The following FRY variants were observed in gnomAD, a reference collection of about 807,000 sequenced individuals.
FRY encodes protein furry homolog.
FRY carries 128 observed loss-of-function variants against 348.4 expected under a neutral mutation model. The ratio of observed to expected loss-of-function variants is 0.37; its 90% CI spans 0.32 to 0.43. FRY has a LOEUF of 0.43. Ranked by LOEUF, FRY falls within the 20% of genes least tolerant of loss-of-function variation. The pLI, the probability that FRY is intolerant of heterozygous loss-of-function variation, is 1.00. For synonymous variants in FRY, 1,370 were observed against 1,374.7 expected (o/e 1.00, Z 0.08); for missense variants, 2,736 against 3,695.2 (o/e 0.74, Z 6.73).
intron 58 of FRY, among the ~76,000 whole-genome samples, chr13:32,284,714 T>C (rs995338551): frequency 6.6e-6 from 1 of 152,234 alleles, no homozygotes. Flanking sequence ...GGAGATTTCA[T>C]CATTAGGCTA....
In FRY at chr13:32,064,726, ATTAAACT is replaced by A. The variant is rs1874146290; in HGVS notation, c.71-14102_71-14096del. 1.3e-5 allele frequency among the ~76,000 whole-genome samples: 2 copies of A among 152,174 alleles called. 1 individual carries two copies. Among genetic ancestry groups the A allele is most frequent in the South Asian group, 4.1e-4 (2 of 4,822 alleles). ...CTAGTGGCATACTGTGACTGAATAG[ATTAAACT>A]TTAAAAATCTTCCAAGCTGTCTTTT... On this transcript the variant is annotated intron_variant, in intron 1 of 60. Transcript: ENST00000542859.
intron 40 of FRY, 36 bp from the exon 41 acceptor site, chr13:32,231,143 A>G: frequency 1.2e-6 from 2 of 1,604,134 alleles, no homozygotes; most frequent in East Asian, 4.5e-5. Context: ...GCAAAATGAC[A>G]GTTATATTTT....
In FRY at chr13:32,102,730, G is replaced by T. The variant is rs1046260739; in HGVS notation, c.324+714G>T. On this transcript the variant is annotated intron_variant, in intron 3 of 60. Transcript: ENST00000542859. ...AGATTCTGGTTCAGTAACCAGGAAGGCCCTAGGCATGTTTAAAAATGATGG... is the reference window on the plus strand; with the variant it reads ...AGATTCTGGTTCAGTAACCAGGAAGTCCCTAGGCATGTTTAAAAATGATGG... Among the ~76,000 whole-genome samples, 4 of 152,140 alleles carry T rather than the reference G, an allele frequency of 2.6e-5. 1 individual carries two copies. The highest frequency in any genetic ancestry group is 9.7e-5 in the African/African-American group (4 of 41,420).
chr13:32,226,044 G>A (rs1885562116), intron 39 of FRY, 70 bp downstream of exon 39: 6 of 1,390,170 alleles, frequency 4.3e-6, no homozygotes, highest in Non-Finnish European at 5.1e-6. Flanking sequence ...GCGGGTGCCA[G>A]TGGAGCCCAA....
In FRY at chr13:32,295,349, C is replaced by T. The variant is rs758385973; in HGVS notation, c.8931C>T (p.Thr2977=). 6.2e-6 allele frequency: 10 copies of T among 1,613,720 alleles called. No individual in the cohort carries two copies. The East Asian group carries it at 2.0e-4, about 32-fold the overall frequency. The part of the protein sequence containing the change: ...GSNQSLTEIC[T]KLMELNMEIR... Reference sequence around the variant, plus strand: ...ACCAGAGCCTGACCGAGATCTGCACCAAGCTGATGGAGCTGAACATGGAGA... The same window carrying T: ...ACCAGAGCCTGACCGAGATCTGCACTAAGCTGATGGAGCTGAACATGGAGA... Residue 2977 remains threonine, a synonymous_variant, in exon 61 of 61, where the codon ACC becomes ACT. Coordinates refer to ENST00000542859, the MANE Select transcript of FRY (RefSeq NM_023037.3).
chr13:32,244,781 T>G (rs1886693470), intron 47 of FRY, among the ~76,000 whole-genome samples: 1 of 152,228 alleles, frequency 6.6e-6, no homozygotes, highest in African/African-American at 2.4e-5. Flanking sequence ...GTGTATATTT[T>G]AATATTTCCA....
intron 1 of FRY, among the ~76,000 whole-genome samples, chr13:32,044,480 A>G (rs1403507319): frequency 6.6e-6 from 1 of 152,220 alleles, no homozygotes; most frequent in African/African-American, 2.4e-5. Flanking sequence ...TGAGGCAAAT[A>G]CCATTTTGTA....
chr13:32,182,565 C>T (rs767919870), intron 23 of FRY, among the ~76,000 whole-genome samples: 11 of 152,174 alleles, frequency 7.2e-5, no homozygotes, highest in Non-Finnish European at 1.3e-4. Flanking sequence ...TGTACAGGGG[C>T]TCAATTTTAT....
rs780130082 is a variant in FRY at position 32,157,318 on chromosome 13, T to G, written c.1697T>G (p.Ile566Ser). ...CAAGTACGAAAAGCTGTAGACAACA[T>G]TTTAAGGCACCTTGATAAAGAAGTA... ...YSQVRKAVDNILRHLDKEVGR... is the reference protein window; with the variant it reads ...YSQVRKAVDNSLRHLDKEVGR... Residue 566 changes from isoleucine to serine, a missense_variant, in exon 16 of 61, where the codon ATT (isoleucine) becomes AGT (serine). Around this residue, in one of 9 missense-constraint regions of FRY, gnomAD observed 191 missense variants for 370.2 expected, o/e 0.52. Transcript: ENST00000542859. 2 of 1,612,866 alleles carry G rather than the reference T, an allele frequency of 1.2e-6. No homozygotes were observed. The highest frequency in any genetic ancestry group is 1.7e-6 in the Non-Finnish European group (2 of 1,178,986).
In FRY at chr13:32,137,132, T is replaced by C. The variant is rs1879771017; in HGVS notation, c.1179+160T>C. ...TATTAATAAGAGTTCTTATTAAATA[T>C]AGTCAATTTTAGAAAGTGACTAGGA... On this transcript the variant is annotated intron_variant, in intron 11 of 60. Coordinates refer to ENST00000542859, the MANE Select transcript of FRY (RefSeq NM_023037.3). Among the ~76,000 whole-genome samples the C allele has an allele frequency of 3.3e-5, 5 of 152,344 alleles. No individual in the cohort carries two copies. In the South Asian group the frequency reaches 1.0e-3, roughly 32 times the overall value.
At chr13:32,244,793 A>G (rs1005493151) in intron 47 of FRY, among the ~76,000 whole-genome samples, 15 of 152,212 alleles carry the variant, frequency 9.9e-5, no homozygotes, top group Admixed American at 6.5e-5. Flanking sequence ...ATATTTCCAT[A>G]ATAAACAGTC....
intron 16 of FRY, among the ~76,000 whole-genome samples, chr13:32,159,575 C>T (rs1881326821): frequency 6.6e-6 from 1 of 151,944 alleles, no homozygotes; most frequent in African/African-American, 2.4e-5. Flanking sequence ...ATATGCTTCC[C>T]ATAAAAGGCC....
At chr13:32,251,746 C>A in intron 49 of FRY, 132 bp from the exon 50 acceptor site, 1 of 695,136 alleles carries the variant, frequency 1.4e-6, no homozygotes, top group Non-Finnish European at 2.7e-6. Context: ...TTTTTTCATA[C>A]TTTTGTGTAT....
At chr13:32,124,168 T>C (rs1878877876) in intron 4 of FRY, 118 bp from the exon 5 acceptor site, 6 of 705,298 alleles carry the variant, frequency 8.5e-6, no homozygotes, top group Non-Finnish European at 1.5e-5. Context: ...AGTGCAATTA[T>C]ATAATTTTAA....
intron 58 of FRY, among the ~76,000 whole-genome samples, chr13:32,281,319 AGTCTAAAGGCCATATTCTTTCCATTT>A (rs1888797058): frequency 6.6e-6 from 1 of 152,234 alleles, no homozygotes; most frequent in Non-Finnish European, 1.5e-5. Context: ...TGAGAGGCAA[AGTCTAAAGGCCATATTCTTTCCATTT>A]GTCCACACTT....
chr13:32,072,436 T>G (rs1296908836), intron 1 of FRY, among the ~76,000 whole-genome samples: 18 of 152,222 alleles, frequency 1.2e-4, no homozygotes, highest in Non-Finnish European at 4.4e-5. Context: ...CTATTGATTT[T>G]TTTTGTCCCA....
intron 58 of FRY, among the ~76,000 whole-genome samples, chr13:32,280,718 G>T (rs1888769512): frequency 6.6e-6 from 1 of 152,208 alleles, no homozygotes; most frequent in Non-Finnish European, 1.5e-5. Context: ...CAGAACTTCA[G>T]ACAGGAAAGC....
intron 55 of FRY, among the ~76,000 whole-genome samples, chr13:32,274,568 G>A (rs1041213579): frequency 2.6e-5 from 4 of 151,718 alleles, no homozygotes; most frequent in African/African-American, 4.8e-5. Flanking sequence ...GCCAGGCGTG[G>A]TGGCAGGCAC....
intron 2 of FRY, among the ~76,000 whole-genome samples, chr13:32,098,412 G>T (rs1566069571): frequency 6.6e-6 from 1 of 151,916 alleles, no homozygotes; most frequent in African/African-American, 2.4e-5. Context: ...TTCATTTCTG[G>T]GGCCTGCCAC....
Sources: allele counts gnomAD v4.1 joint callset (sites outside exome capture counted in the v4.1 genomes callset), GRCh38; gene constraint gnomAD v4.1.1; regional missense constraint gnomAD v4.1.1; transcripts MANE v1.5; gene names NCBI Gene and HGNC (gene_info 2026-07-23, HGNC 2026-07-21).